Variants in CLTC observed in about 807,000 individuals in gnomAD.
CLTC encodes clathrin heavy chain 1.
In CLTC, 16 loss-of-function variants were observed where a neutral mutation model predicts 195.8. The observed-to-expected ratio is 0.08, with a 90% confidence interval of 0.06 to 0.12. The LOEUF (loss-of-function observed/expected upper bound fraction) is 0.12, where lower values mean the gene tolerates loss of function less well. Ranked by LOEUF, CLTC falls within the 10% of genes least tolerant of loss-of-function variation. CLTC has a pLI of 1.00. For synonymous variants in CLTC, 667 were observed against 689.4 expected (o/e 0.97, Z 0.51); for missense variants, 796 against 2,027.0 (o/e 0.39, Z 11.66).
chr17:59,683,910 T>A lies in CLTC; in HGVS notation c.4359T>A (p.Arg1453=). 6.2e-7 allele frequency: 1 copy of A among 1,613,940 alleles called. No individual in the cohort carries two copies. Among genetic ancestry groups the A allele is most frequent in the Non-Finnish European group, 8.5e-7 (1 of 1,179,818 alleles). Residue 1453 remains arginine, a synonymous_variant, in exon 28 of 32, where the codon CGT becomes CGA. Coordinates refer to ENST00000269122, the MANE Select transcript of CLTC (RefSeq NM_004859.4). The surrounding 1 kb of genome is among the most constrained non-coding windows in gnomAD (Gnocchi z 6.1). ...KQLPLVKPYL[R]SVQNHNNKSV... ...TACCACTGGTGAAACCGTATTTGCG[T>A]TCAGTTCAGAACCATAACAACAAAT...
chr17:59,685,290 A>T lies in CLTC; in HGVS notation c.4605+64A>T. ...GCCTAAAATGGTGTTACAAGTGATT[A>T]TAATCTATAAATAAAAGTATTGGTT... On this transcript the variant is annotated intron_variant, in intron 29 of 31. Transcript: ENST00000269122. The surrounding 1 kb of genome is among the most constrained non-coding windows in gnomAD (Gnocchi z 5.0). 4.9e-6 allele frequency: 7 copies of T among 1,417,118 alleles called. No individual in the cohort carries two copies. In the Middle Eastern group the frequency reaches 5.7e-4, roughly 116 times the overall value. The allele number at this position is 1,417,118 out of a possible 1,614,324, so 87.8% of individuals were successfully genotyped here.
intron 16 of CLTC, 25 bp downstream of exon 16, chr17:59,674,868 A>C: frequency 6.2e-7 from 1 of 1,602,222 alleles, no homozygotes; most frequent in South Asian, 1.1e-5. Flanking sequence ...TAACAGGGAT[A>C]AGTTACTCTT....
rs909018280 is a variant in CLTC at position 59,620,122 on chromosome 17, C to T, written c.-10C>T. On this transcript the variant is annotated 5_prime_UTR_variant, in exon 1 of 32. Transcript: ENST00000269122. ...AGTGACAGGAGGAGACCATAACCCC[C>T]GACAGCGCCATGGCCCAGATTCTGC... 2.5e-6 allele frequency: 4 copies of T among 1,613,962 alleles called. No individual in the cohort carries two copies. In the African/African-American group the frequency reaches 4.0e-5, roughly 16 times the overall value.
intron 14 of CLTC, among the ~76,000 whole-genome samples, chr17:59,669,927 G>C (rs1398192343): frequency 6.6e-6 from 1 of 152,032 alleles, no homozygotes; most frequent in African/African-American, 2.4e-5. Context: ...TTACTACCTG[G>C]GCTCTAGATT....
intron 1 of CLTC, among the ~76,000 whole-genome samples, chr17:59,631,492 A>T (rs1381528922): frequency 6.6e-6 from 1 of 152,258 alleles, no homozygotes; most frequent in African/African-American, 2.4e-5. Flanking sequence ...AATTGTTGAC[A>T]TCATCTGTGG....
chr17:59,622,614 A>G (rs1017095424), intron 1 of CLTC, among the ~76,000 whole-genome samples: 3 of 152,134 alleles, frequency 2.0e-5, no homozygotes, highest in Non-Finnish European at 2.9e-5. Flanking sequence ...GGCTCAAGCA[A>G]TCCTTTGCCT....
rs1014913346 is a variant in CLTC, at chr17:59,679,504, A to G, written c.2904A>G (p.Arg968=). ...SVLLESNPYR[R]PLIDQVVQTA... is the part of the protein sequence containing the mutation. Reference sequence around the variant, plus strand: ...TGCTGGAAAGCAATCCTTACAGGAGACCCCTAATTGACCAGGTAACATTGG... The same window carrying G: ...TGCTGGAAAGCAATCCTTACAGGAGGCCCCTAATTGACCAGGTAACATTGG... The change falls in exon 18 of 32, where the codon AGA becomes AGG. Residue 968 remains arginine, a synonymous_variant. Coordinates refer to ENST00000269122, the MANE Select transcript of CLTC (RefSeq NM_004859.4). The G allele has an allele frequency of 1.9e-6, 3 of 1,595,200 alleles. No individual in the cohort carries two copies. In the African/African-American group the frequency reaches 4.0e-5, roughly 21 times the overall value.
intron 18 of CLTC, 107 bp downstream of exon 18, chr17:59,679,626 T>C: frequency 1.0e-6 from 1 of 1,000,070 alleles, no homozygotes; most frequent in Non-Finnish European, 1.4e-6. Flanking sequence ...TATATAACTA[T>C]GAGAGAAAGC....
chr17:59,664,507 C>T (rs2032679839), intron 9 of CLTC, among the ~76,000 whole-genome samples: 1 of 146,438 alleles, frequency 6.8e-6, no homozygotes, highest in Non-Finnish European at 1.5e-5. Flanking sequence ...ATCGAGATTG[C>T]ACCTCTGCAC....
chr17:59,656,093 C>T, intron 6 of CLTC, 66 bp downstream of exon 6: 1 of 1,372,918 alleles, frequency 7.3e-7, no homozygotes, highest in Non-Finnish European at 9.8e-7. Flanking sequence ...CAATCCTGTC[C>T]TTTTGAGAAA....
At chr17:59,623,597 T>C (rs1038369334) in intron 1 of CLTC, among the ~76,000 whole-genome samples, 20 of 152,348 alleles carry the variant, frequency 1.3e-4, no homozygotes, top group African/African-American at 4.6e-4. Flanking sequence ...TAATTGGAAT[T>C]TGTACCTTGC....
intron 6 of CLTC, chr17:59,658,535 T>TTG (rs747065883): frequency 6.6e-6 from 1 of 152,262 alleles, no homozygotes; most frequent in Non-Finnish European, 1.5e-5. Context: ...CTTCTACTCT[T>TTG]TGCTAAAGTC....
chr17:59,678,956 C>T lies in CLTC; in HGVS notation c.2797-441C>T, dbSNP rs538517837. 2.5e-4 allele frequency among the ~76,000 whole-genome samples: 38 copies of T among 152,308 alleles called. No individual in the cohort carries two copies. The South Asian group carries it at 6.6e-3, about 27-fold the overall frequency. The stretch of plus-strand genomic sequence containing the variant: ...GGTCAATGTTGCAGTGAGCTATGAT[C>T]GCAACACTGCACTCTCCAACCTTGA... On this transcript the variant is annotated intron_variant, in intron 17 of 31. Coordinates refer to ENST00000269122, the MANE Select transcript of CLTC (RefSeq NM_004859.4).
intron 1 of CLTC, among the ~76,000 whole-genome samples, chr17:59,641,313 G>C: frequency 6.6e-6 from 1 of 151,834 alleles, no homozygotes; most frequent in Non-Finnish European, 1.5e-5. Context: ...CAGGTTACAG[G>C]CTACTTTTCT....
chr17:59,646,736 G>A (rs1001739769), intron 2 of CLTC, among the ~76,000 whole-genome samples: 2 of 152,184 alleles, frequency 1.3e-5, no homozygotes, highest in Non-Finnish European at 2.9e-5. Flanking sequence ...TTAATTGGAT[G>A]AAGCTTGCAC....
At chr17:59,654,809 C>G (rs2032425066) in intron 5 of CLTC, among the ~76,000 whole-genome samples, 1 of 152,208 alleles carries the variant, frequency 6.6e-6, no homozygotes, top group African/African-American at 2.4e-5. Context: ...AAAAAAACTG[C>G]TCATTTAGAT....
intron 8 of CLTC, 130 bp downstream of exon 8, chr17:59,661,773 G>A (rs1448624218): frequency 2.7e-6 from 2 of 752,610 alleles, no homozygotes; most frequent in African/African-American, 3.5e-5. Context: ...AACACACATT[G>A]CATAAGATGG....
Position 59,683,801 on chromosome 17 carries a change from G to A in CLTC, c.4323+45G>A. The A allele has an allele frequency of 6.2e-7, 1 of 1,613,350 alleles. No homozygotes were observed. Among genetic ancestry groups the A allele is most frequent in the Non-Finnish European group, 8.5e-7 (1 of 1,179,438 alleles). On this transcript the variant is annotated intron_variant, in intron 27 of 31. Coordinates refer to ENST00000269122, the MANE Select transcript of CLTC (RefSeq NM_004859.4). The surrounding 1 kb of genome is among the most constrained non-coding windows in gnomAD (Gnocchi z 6.1). Reference sequence around the variant, plus strand: ...CCAAAGCTTCATAGCAAGGAATTAGGACATACTTCGATAACTTTTGTCCCT... The same window carrying A: ...CCAAAGCTTCATAGCAAGGAATTAGAACATACTTCGATAACTTTTGTCCCT...
chr17:59,648,754 G>A lies in CLTC; in HGVS notation c.681+353G>A. 5.5e-6 allele frequency: 1 copy of A among 183,244 alleles called. No individual in the cohort carries two copies. Among genetic ancestry groups the A allele is most frequent in the South Asian group, 1.1e-4 (1 of 9,344 alleles). 11.4% of individuals were successfully genotyped at this position (183,244 alleles called of 1,614,324 possible). A position where few individuals can be genotyped will look rare whatever the true frequency, so the allele number is the denominator to read the frequency against. On this transcript the variant is annotated intron_variant, in intron 4 of 31. Coordinates refer to ENST00000269122, the MANE Select transcript of CLTC (RefSeq NM_004859.4). The surrounding 1 kb of genome is among the most constrained non-coding windows in gnomAD (Gnocchi z 4.5). ...CTGTTGCCCAGGCTGGAGTGCAGTG[G>A]CGCAGTCATGGGCTCACTGCAGCCT...
Sources: gnomAD v4.1 joint callset for allele counts (sites outside exome capture counted in the v4.1 genomes callset) on GRCh38, gnomAD v4.1.1 for gene constraint, Gnocchi (gnomAD v3.1) non-coding constraint, MANE v1.5 for transcripts, NCBI Gene and HGNC (gene_info 2026-07-23, HGNC 2026-07-21) for gene names.